TANC2: variants seen among roughly 807,000 people sequenced by gnomAD.
TANC2 encodes the protein protein TANC2.
A neutral mutation model predicts 210.5 loss-of-function variants in TANC2; 26 were observed. The observed-to-expected ratio is 0.12, with a 90% CI of 0.09 to 0.17. The LOEUF is 0.17. Among genes scored for constraint, TANC2 ranks in the 10% least tolerant of loss-of-function variants. The pLI is 1.00. For synonymous variants in TANC2, 931 were observed against 967.1 expected, an observed-to-expected ratio of 0.96 and a Z score of 0.69; for missense variants, 2,129 against 2,608.9, an observed-to-expected ratio of 0.82 and a Z score of 4.01.
chr17:63,275,696 A>C (rs2043850422), intron 9 of TANC2, among the ~76,000 whole-genome samples: 1 of 152,120 alleles, frequency 6.6e-6, no homozygotes, highest in Non-Finnish European at 1.5e-5. Context: ...TTTCTTAAGT[A>C]GATTCAAAAC....
At chr17:63,175,743 T>C (rs891184257) in intron 5 of TANC2, among the ~76,000 whole-genome samples, 2 of 152,136 alleles carry the variant, frequency 1.3e-5, no homozygotes, top group African/African-American at 4.8e-5. Flanking sequence ...AGCCATAAAA[T>C]AGGAGAAAAT....
intron 9 of TANC2, among the ~76,000 whole-genome samples, chr17:63,272,850 C>T (rs887113463): frequency 1.3e-5 from 2 of 152,032 alleles, no homozygotes; most frequent in African/African-American, 4.8e-5. Context: ...AAATAATATC[C>T]TCTGGATGTA....
At chr17:63,415,453 A>G (rs890293962) in intron 25 of TANC2, 75 bp from the exon 26 acceptor site, 1 of 1,556,718 alleles carries the variant, frequency 6.4e-7, no homozygotes, top group African/African-American at 1.4e-5. Flanking sequence ...TGAGAAGAAG[A>G]AGGGAGTGGG....
chr17:63,338,761 C>T (rs933205920), intron 11 of TANC2: 5 of 152,250 alleles, frequency 3.3e-5, no homozygotes, highest in African/African-American at 1.2e-4. Context: ...GCTTCACTCA[C>T]AGGCAATTCC....
intron 1 of TANC2, among the ~76,000 whole-genome samples, chr17:62,991,007 C>A (rs774614813): frequency 1.3e-5 from 2 of 152,122 alleles, no homozygotes; most frequent in Non-Finnish European, 2.9e-5. Flanking sequence ...GCATAGATTT[C>A]TGACATATTT....
At chr17:63,203,294 T>C (rs1361662122) in intron 7 of TANC2, among the ~76,000 whole-genome samples, 1 of 152,198 alleles carries the variant, frequency 6.6e-6, no homozygotes, top group African/African-American at 2.4e-5. Context: ...TGTAAAATCT[T>C]ACCTGAGCTA....
chr17:63,037,368 G>A (rs1451508762), intron 2 of TANC2, among the ~76,000 whole-genome samples: 1 of 151,992 alleles, frequency 6.6e-6, no homozygotes, highest in African/African-American at 2.4e-5. Context: ...TTATGAATTG[G>A]TAATTTCTGG....
At chr17:62,996,528 T>G (rs1474196540) in intron 1 of TANC2, among the ~76,000 whole-genome samples, 1 of 152,052 alleles carries the variant, frequency 6.6e-6, no homozygotes, top group Non-Finnish European at 1.5e-5. Context: ...TGAAGCATCC[T>G]TGGAGTCTCC....
intron 11 of TANC2, among the ~76,000 whole-genome samples, chr17:63,333,144 A>G (rs1346516279): frequency 2.6e-5 from 4 of 152,250 alleles, no homozygotes; most frequent in Non-Finnish European, 4.4e-5. Context: ...AACTTAAGAA[A>G]TACTTTTCAT....
chr17:63,110,140 A>G (rs2037979812), intron 4 of TANC2, among the ~76,000 whole-genome samples: 1 of 151,646 alleles, frequency 6.6e-6, no homozygotes, highest in South Asian at 2.1e-4. Flanking sequence ...TGAGAAATTG[A>G]ATAGAAACTC....
chr17:63,293,988 T>TA (rs1567889499), intron 9 of TANC2, among the ~76,000 whole-genome samples: 1 of 152,166 alleles, frequency 6.6e-6, no homozygotes. Context: ...CTTAGCCTCC[T>TA]AGAGTGCTGG....
chr17:62,980,698 G>A (rs1358506775), intron 1 of TANC2, among the ~76,000 whole-genome samples: 1 of 152,114 alleles, frequency 6.6e-6, no homozygotes, highest in South Asian at 2.1e-4. Context: ...AACTATAGAT[G>A]CCTAGGACTC....
intron 7 of TANC2, among the ~76,000 whole-genome samples, chr17:63,231,429 C>T (rs1260065657): frequency 2.6e-5 from 4 of 152,146 alleles, no homozygotes; most frequent in Non-Finnish European, 5.9e-5. Flanking sequence ...GTGCTTCCTT[C>T]AGGAGCTCTT....
intron 8 of TANC2, among the ~76,000 whole-genome samples, chr17:63,253,901 G>A (rs1196732275): frequency 1.6e-4 from 25 of 152,036 alleles, no homozygotes; most frequent in Non-Finnish European, 1.5e-5. Context: ...AGCCTGCCTC[G>A]GTCTCCCAAA....
chr17:63,081,346 G>A (rs1456497708), intron 3 of TANC2, among the ~76,000 whole-genome samples: 3 of 152,096 alleles, frequency 2.0e-5, no homozygotes, highest in Non-Finnish European at 4.4e-5. Flanking sequence ...AAACAATGTA[G>A]ACATTTAAAA....
intron 8 of TANC2, among the ~76,000 whole-genome samples, chr17:63,266,911 A>G (rs878881448): frequency 3.3e-5 from 5 of 152,084 alleles, no homozygotes; most frequent in Admixed American, 3.3e-4. Flanking sequence ...GTGCAATGGC[A>G]TGATCATGGC....
At chr17:63,033,381 T>C (rs942387313) in intron 2 of TANC2, among the ~76,000 whole-genome samples, 4 of 152,172 alleles carry the variant, frequency 2.6e-5, no homozygotes, top group African/African-American at 7.2e-5. Context: ...CAGCCACCAG[T>C]AATCTCATTA....
chr17:63,349,423 C>G (rs1035159880), intron 12 of TANC2, among the ~76,000 whole-genome samples: 1 of 152,084 alleles, frequency 6.6e-6, no homozygotes. Context: ...ACTGGAAAAT[C>G]ATGACTTTCT....
At chr17:63,071,631 C>T (rs1490848778) in intron 2 of TANC2, among the ~76,000 whole-genome samples, 1 of 152,006 alleles carries the variant, frequency 6.6e-6, no homozygotes, top group East Asian at 1.9e-4. Flanking sequence ...GACAGAGACA[C>T]CAAACATGGC....
Sources: gnomAD v4.1 joint callset for allele counts (sites outside exome capture counted in the v4.1 genomes callset) on GRCh38, gnomAD v4.1.1 for gene constraint, MANE v1.5 for transcripts, NCBI Gene and HGNC (gene_info 2026-07-23, HGNC 2026-07-21) for gene names.